TMPRSS15: variants seen among roughly 807,000 people sequenced by gnomAD.
The protein encoded by TMPRSS15 is enteropeptidase.
TMPRSS15 carries 128 observed loss-of-function variants against 125.3 expected under a neutral mutation model. That is an observed-to-expected ratio of 1.02 (90% CI 0.89 to 1.18). The LOEUF is 1.18. TMPRSS15 is among the 50% of genes most tolerant of loss of function. The pLI is 0.00. For missense variants in TMPRSS15, 1,283 were observed against 1,212.7 expected, an observed-to-expected ratio of 1.06 and a Z score of -0.86; for synonymous variants, 446 against 423.2, an observed-to-expected ratio of 1.05 and a Z score of -0.66.
At chr21:18,434,705 T>C (rs1371847538) in intron 1 of TMPRSS15, among the ~76,000 whole-genome samples, 2 of 152,086 alleles carry the variant, frequency 1.3e-5, no homozygotes, top group Non-Finnish European at 2.9e-5. Flanking sequence ...ATTAGCTATA[T>C]CATTTGATAA....
chr21:18,315,233 G>C lies in TMPRSS15; in HGVS notation c.1945C>G (p.Gln649Glu). ...IPEPCKADHFQCKNGECVPLV... is the reference protein window; with the variant it reads ...IPEPCKADHFECKNGECVPLV... Reference sequence around the variant, plus strand: ...GGAACACACTCTCCATTTTTACATTGAAAATGGTCTGCCTTGCATGGCTCT... The same window carrying C: ...GGAACACACTCTCCATTTTTACATTCAAAATGGTCTGCCTTGCATGGCTCT... The change falls in exon 17 of 25, where the codon CAA becomes GAA. Residue 649 changes from glutamine to glutamate, a missense_variant. By Grantham distance (29) the Gln-to-Glu change is conservative (BLOSUM62 2). Coordinates refer to ENST00000284885, the MANE Select transcript of TMPRSS15 (RefSeq NM_002772.3). 4.3e-6 allele frequency: 7 copies of C among 1,613,318 alleles called. 1 individual carries two copies. In the South Asian group the frequency reaches 7.7e-5, roughly 18 times the overall value.
intron 1 of TMPRSS15, among the ~76,000 whole-genome samples, chr21:18,400,755 T>A (rs1328872396): frequency 6.6e-6 from 1 of 152,138 alleles, no homozygotes; most frequent in Non-Finnish European, 1.5e-5. Flanking sequence ...AAAGATCTTC[T>A]GCACTGCAAA....
Position 18,326,421 on chromosome 21 carries a change from T to G in TMPRSS15, c.1921+11A>C. 3.1e-6 allele frequency: 5 copies of G among 1,614,150 alleles called. No individual in the cohort carries two copies. Among genetic ancestry groups the G allele is most frequent in the Non-Finnish European group, 4.2e-6 (5 of 1,179,976 alleles). On this transcript the variant is annotated intron_variant, in intron 16 of 24. Coordinates refer to ENST00000284885, the MANE Select transcript of TMPRSS15 (RefSeq NM_002772.3). ...AAGTTATGATGCAATGTGTGATTTA[T>G]GGGCTCCTACCTGGAATCCCCAAGT...
In TMPRSS15 at chr21:18,441,679, T is replaced by G. The variant is rs1441985171; in HGVS notation, c.11-43350A>C. 2.7e-5 allele frequency among the ~76,000 whole-genome samples: 4 copies of G among 147,090 alleles called. No homozygotes were observed. The East Asian group carries it at 5.9e-4, about 22-fold the overall frequency. Reference sequence around the variant, plus strand: ...TAGGACACATTATTATTATTATTATTATTATTATTATTATTATTATTATTA... The same window carrying G: ...TAGGACACATTATTATTATTATTATGATTATTATTATTATTATTATTATTA... On this transcript the variant is annotated intron_variant, in intron 1 of 7. Coordinates refer to the TMPRSS15 transcript ENST00000422787.
intron 10 of TMPRSS15, among the ~76,000 whole-genome samples, chr21:18,350,356 G>T (rs763371787): frequency 6.6e-6 from 1 of 152,072 alleles, no homozygotes; most frequent in Non-Finnish European, 1.5e-5. Flanking sequence ...GCCCACACTG[G>T]TGACTCATTT....
chr21:18,293,455 T>C (rs1041469498), intron 21 of TMPRSS15, among the ~76,000 whole-genome samples: 1 of 152,150 alleles, frequency 6.6e-6, no homozygotes, highest in African/African-American at 2.4e-5. Flanking sequence ...GGACAGGAGA[T>C]GAGTCCTAGA....
chr21:18,353,079 A>C, intron 9 of TMPRSS15, 27 bp from the exon 10 acceptor site: 1 of 1,601,014 alleles, frequency 6.2e-7, no homozygotes, highest in Non-Finnish European at 8.5e-7. Context: ...AGAAGGAATA[A>C]AAAAAATTTA....
chr21:18,343,922 A>C (rs767886875), intron 11 of TMPRSS15, 33 bp downstream of exon 11: 1 of 1,582,930 alleles, frequency 6.3e-7, no homozygotes, highest in South Asian at 1.1e-5. Context: ...CCCATTAAAA[A>C]AGACAGCGTT....
At chr21:18,315,042 C>T in intron 17 of TMPRSS15, 104 bp downstream of exon 17, 1 of 915,384 alleles carries the variant, frequency 1.1e-6, no homozygotes, top group Non-Finnish European at 1.8e-6. Flanking sequence ...TCCAAAGCAT[C>T]AAAACAGGTC....
At chr21:18,417,229 G>T (rs914884397) in intron 1 of TMPRSS15, among the ~76,000 whole-genome samples, 1 of 151,976 alleles carries the variant, frequency 6.6e-6, no homozygotes, top group African/African-American at 2.4e-5. Flanking sequence ...CACATAAAAA[G>T]AGCCATGTTT....
chr21:18,380,293 T>G (rs2075881138), intron 4 of TMPRSS15, among the ~76,000 whole-genome samples: 1 of 151,952 alleles, frequency 6.6e-6, no homozygotes, highest in African/African-American at 2.4e-5. Flanking sequence ...TATATATTTG[T>G]ATATAAAGTT....
chr21:18,401,152 A>G (rs754160742), intron 1 of TMPRSS15, among the ~76,000 whole-genome samples: 1 of 152,246 alleles, frequency 6.6e-6, no homozygotes, highest in Non-Finnish European at 1.5e-5. Flanking sequence ...TAGTTCAGCC[A>G]CTGTGCAAAG....
At chr21:18,304,688 A>G (rs980857626) in intron 18 of TMPRSS15, among the ~76,000 whole-genome samples, 60 of 152,320 alleles carry the variant, frequency 3.9e-4, no homozygotes, top group African/African-American at 1.4e-3. Flanking sequence ...ATAAAATATC[A>G]TTTATGTTCA....
chr21:18,375,048 A>C (rs1005104108), intron 5 of TMPRSS15, among the ~76,000 whole-genome samples: 2 of 152,166 alleles, frequency 1.3e-5, no homozygotes, highest in Non-Finnish European at 2.9e-5. Context: ...TTTTGAATTT[A>C]AGTTGGAATA....
intron 15 of TMPRSS15, among the ~76,000 whole-genome samples, chr21:18,328,051 TCAA>T (rs1362470607): frequency 3.9e-5 from 6 of 152,068 alleles, no homozygotes; most frequent in Admixed American, 2.6e-4. Flanking sequence ...AGGCTCCATC[TCAA>T]CAACAACAGC....
intron 21 of TMPRSS15, among the ~76,000 whole-genome samples, chr21:18,283,363 AT>A (rs35326743): frequency 0.67 from 102,005 of 151,440 alleles, 34,367 homozygotes; most frequent in Non-Finnish European, 0.7. Context: ...AAATTGTATG[AT>A]TTTTTTTTTA....
At chr21:18,369,291 C>G (rs1397237019) in intron 6 of TMPRSS15, among the ~76,000 whole-genome samples, 9 of 152,122 alleles carry the variant, frequency 5.9e-5, no homozygotes, top group Middle Eastern at 3.2e-3. Context: ...ATATATAAAT[C>G]AAACATGATC....
intron 24 of TMPRSS15, among the ~76,000 whole-genome samples, chr21:18,272,411 A>AGAT (rs1168688997): frequency 6.6e-6 from 1 of 151,918 alleles, no homozygotes; most frequent in Non-Finnish European, 1.5e-5. Flanking sequence ...ACTGTCTTGG[A>AGAT]GATATATGAG....
intron 10 of TMPRSS15, among the ~76,000 whole-genome samples, chr21:18,344,756 T>G (rs1191316837): frequency 6.6e-6 from 1 of 152,198 alleles, no homozygotes. Context: ...GATAACATTT[T>G]GAACATTTTC....
Sources: allele counts gnomAD v4.1 joint callset (sites outside exome capture counted in the v4.1 genomes callset), GRCh38; gene constraint gnomAD v4.1.1; transcripts MANE v1.5; gene names NCBI Gene and HGNC (gene_info 2026-07-23, HGNC 2026-07-21).